KCNQ3: variants seen among roughly 807,000 people sequenced by gnomAD.
KCNQ3 encodes potassium voltage-gated channel subfamily KQT member 3.
Under a neutral mutation model 92.5 loss-of-function variants are expected in KCNQ3, and 30 were observed. The ratio of observed to expected loss-of-function variants is 0.32; its 90% CI spans 0.24 to 0.44. KCNQ3 has a LOEUF of 0.44. KCNQ3 is among the 20% of genes least tolerant of loss of function. The probability of loss-of-function intolerance (pLI) is 1.00; values close to 1 mark genes in which losing one functional copy is unlikely to be tolerated. For synonymous variants in KCNQ3, 450 were observed against 468.8 expected, an observed-to-expected ratio of 0.96 and a Z score of 0.52; for missense variants, 913 against 1,140.3, an observed-to-expected ratio of 0.80 and a Z score of 2.87.
chr8:132,339,838 G>A (rs1818468017), intron 1 of KCNQ3, among the ~76,000 whole-genome samples: 1 of 151,852 alleles, frequency 6.6e-6, no homozygotes, highest in African/African-American at 2.4e-5. Context: ...CCAGACCCTG[G>A]GAACAGAGAT....
At chr8:132,307,876 T>C (rs7837646) in intron 1 of KCNQ3, among the ~76,000 whole-genome samples, 118,053 of 151,622 alleles carry the variant, frequency 0.78, 46,399 homozygotes, top group East Asian at 0.92. Flanking sequence ...GTCGGGGAGT[T>C]GCACAGCTCC....
At chr8:132,280,746 C>T (rs925465840) in intron 1 of KCNQ3, among the ~76,000 whole-genome samples, 3 of 152,178 alleles carry the variant, frequency 2.0e-5, no homozygotes, top group Non-Finnish European at 4.4e-5. Flanking sequence ...GAGGGAGCAG[C>T]TGGTGCAAAA....
chr8:132,130,396 C>G (rs760957246), intron 14 of KCNQ3, among the ~76,000 whole-genome samples: 7 of 152,174 alleles, frequency 4.6e-5, no homozygotes, highest in Non-Finnish European at 8.8e-5. Context: ...TATTCTAATA[C>G]TGTATTTACT....
intron 3 of KCNQ3, among the ~76,000 whole-genome samples, chr8:132,180,847 A>AC (rs1354835927): frequency 2.6e-5 from 4 of 151,468 alleles, no homozygotes; most frequent in Non-Finnish European, 5.9e-5. Context: ...AAAAAAAAAA[A>AC]AAACCAATGT....
intron 1 of KCNQ3, among the ~76,000 whole-genome samples, chr8:132,339,864 G>A (rs759677759): frequency 6.6e-6 from 1 of 151,602 alleles, no homozygotes; most frequent in Admixed American, 6.6e-5. Context: ...AGCTTTTATT[G>A]GAAGATTTAT....
chr8:132,417,229 G>A (rs538282208), intron 1 of KCNQ3, among the ~76,000 whole-genome samples: 11 of 152,322 alleles, frequency 7.2e-5, no homozygotes, highest in African/African-American at 2.6e-4. Context: ...CCCTGGGATT[G>A]GCAATAACAG....
intron 9 of KCNQ3, among the ~76,000 whole-genome samples, chr8:132,157,631 T>C (rs564982015): frequency 6.8e-6 from 1 of 147,266 alleles, no homozygotes; most frequent in Admixed American, 6.9e-5. Flanking sequence ...ACCCAGAAAA[T>C]GTAACCTGTG....
At chr8:132,133,171 C>T (rs1295081457) in intron 13 of KCNQ3, among the ~76,000 whole-genome samples, 3 of 152,064 alleles carry the variant, frequency 2.0e-5, no homozygotes, top group Admixed American at 1.3e-4. Context: ...GGATCTGCAT[C>T]CCTAAAAGAA....
In KCNQ3 at chr8:132,122,980, T is replaced by C. The variant is rs10095295; in HGVS notation, c.*6282A>G. The stretch of plus-strand genomic sequence containing the variant: ...AGTATCTGCTTATGTCCTGACAACA[T>C]GGGGATTCTCTGGGACAAGGCAAGA... On this transcript the variant is annotated 3_prime_UTR_variant, in exon 15 of 15. Coordinates refer to ENST00000388996, the MANE Select transcript of KCNQ3 (RefSeq NM_004519.4). 6.6e-6 allele frequency: 1 copy of C among 151,982 alleles called. No individual in the cohort carries two copies. Among genetic ancestry groups the C allele is most frequent in the African/African-American group, 2.4e-5 (1 of 41,366 alleles). 9.4% of individuals were successfully genotyped at this position (151,982 alleles called of 1,614,324 possible). A position where few individuals can be genotyped will look rare whatever the true frequency, so the allele number is the denominator to read the frequency against.
chr8:132,187,581 T>C (rs1306359070), intron 1 of KCNQ3, among the ~76,000 whole-genome samples: 2 of 152,098 alleles, frequency 1.3e-5, no homozygotes, highest in African/African-American at 4.8e-5. Context: ...ATGTTTGATA[T>C]CTGCCTCCCC....
rs1816576303 is a variant in KCNQ3, at chr8:132,283,065, G to A, written c.387-96884C>T. Among the ~76,000 whole-genome samples the A allele has an allele frequency of 2.1e-5, 3 of 145,764 alleles. No individual in the cohort carries two copies. In the Admixed American group the frequency reaches 2.1e-4, roughly 10 times the overall value. ...CATACAGAGGGAATGAGGCAGAAAGGAGATGAGGATCTCTCTCTCTCTCTC... is the reference window on the plus strand; with the variant it reads ...CATACAGAGGGAATGAGGCAGAAAGAAGATGAGGATCTCTCTCTCTCTCTC... On this transcript the variant is annotated intron_variant, in intron 1 of 14. Coordinates refer to ENST00000388996, the MANE Select transcript of KCNQ3 (RefSeq NM_004519.4).
intron 1 of KCNQ3, among the ~76,000 whole-genome samples, chr8:132,241,763 G>A (rs1347395963): frequency 2.0e-5 from 3 of 152,130 alleles, no homozygotes; most frequent in Admixed American, 2.0e-4. Context: ...GAACTGGGGA[G>A]GCAGAGGTTG....
intron 1 of KCNQ3, among the ~76,000 whole-genome samples, chr8:132,281,698 C>T (rs1036437093): frequency 5.3e-5 from 8 of 151,870 alleles, no homozygotes; most frequent in African/African-American, 1.5e-4. Context: ...GCATGCCCAC[C>T]GGCACCCCCA....
chr8:132,164,788 C>G (rs1235591966), intron 8 of KCNQ3, among the ~76,000 whole-genome samples: 6 of 152,116 alleles, frequency 3.9e-5, no homozygotes, highest in South Asian at 4.1e-4. Context: ...CTGTCCATTC[C>G]TCTTTCACTC....
intron 1 of KCNQ3, among the ~76,000 whole-genome samples, chr8:132,420,269 G>C (rs770946103): frequency 6.6e-6 from 1 of 152,098 alleles, no homozygotes; most frequent in Non-Finnish European, 1.5e-5. Context: ...TTGGAGTTAG[G>C]ACTTCAACAT....
intron 12 of KCNQ3, among the ~76,000 whole-genome samples, chr8:132,136,719 G>T (rs1384889755): frequency 6.6e-6 from 1 of 151,940 alleles, no homozygotes; most frequent in African/African-American, 2.4e-5. Context: ...ATGCACTATA[G>T]ATATATACAT....
chr8:132,452,279 G>A (rs565340224), intron 1 of KCNQ3, among the ~76,000 whole-genome samples: 37 of 151,990 alleles, frequency 2.4e-4, no homozygotes, highest in African/African-American at 8.2e-4. Flanking sequence ...GGCAACCACC[G>A]CCCCACTCTC....
At chr8:132,404,270 T>C (rs190613052) in intron 1 of KCNQ3, among the ~76,000 whole-genome samples, 1 of 152,346 alleles carries the variant, frequency 6.6e-6, no homozygotes, top group African/African-American at 2.4e-5. Context: ...AGTTGCCTGA[T>C]GTCTCAGACA....
At chr8:132,286,512 A>G (rs1345487664) in intron 1 of KCNQ3, among the ~76,000 whole-genome samples, 2 of 152,194 alleles carry the variant, frequency 1.3e-5, no homozygotes, top group Non-Finnish European at 2.9e-5. Context: ...AGAAGTAGAC[A>G]ACTTGTTTTT....
Sources: gnomAD v4.1 joint callset for allele counts (sites outside exome capture counted in the v4.1 genomes callset) on GRCh38, gnomAD v4.1.1 for gene constraint, MANE v1.5 for transcripts, NCBI Gene and HGNC (gene_info 2026-07-23, HGNC 2026-07-21) for gene names.